The following GRID2IP variants were observed in gnomAD, a reference collection of about 807,000 sequenced individuals.
GRID2IP encodes the protein delphilin.
GRID2IP carries 78 observed loss-of-function variants against 114.3 expected under a neutral mutation model. The ratio of observed to expected loss-of-function variants is 0.68; its 90% CI spans 0.57 to 0.82. The LOEUF (loss-of-function observed/expected upper bound fraction) is 0.82. GRID2IP is among the 40% of genes least tolerant of loss of function. GRID2IP has a pLI of 0.00. For synonymous variants in GRID2IP, 809 were observed against 724.0 expected (o/e 1.12, Z -1.89); for missense variants, 1,727 against 1,678.5 (o/e 1.03, Z -0.51).
In GRID2IP at chr7:6,526,247, ACAGGCCCGT is replaced by A; in HGVS notation, c.887_895del (p.His296_Val299delinsLeu). On this transcript the variant is annotated inframe_deletion, in exon 4 of 22. Transcript: ENST00000457091. The surrounding 1 kb of genome is among the most constrained non-coding windows in gnomAD (Gnocchi z 7.6). ...ACCAGGCAGGACAGACTCGATCCAG[ACAGGCCCGT>A]GGCCGCGAAGTGTGAAGCCGAAGCT... 1 of 1,551,912 alleles carries A rather than the reference ACAGGCCCGT, an allele frequency of 6.4e-7. No homozygotes were observed. Among genetic ancestry groups the A allele is most frequent in the Non-Finnish European group, 8.7e-7 (1 of 1,147,010 alleles).
In GRID2IP at chr7:6,503,063, A is replaced by G; in HGVS notation, c.3008T>C (p.Leu1003Ser). The change falls in exon 17 of 22, where the codon TTG (leucine) becomes TCG (serine). Residue 1003 changes from leucine to serine, a missense_variant. By Grantham distance (145) the Leu-to-Ser change is moderately radical. Transcript: ENST00000457091. ...TEEIRGSLEC[L>S]RQASLELKNS... is the part of the protein sequence containing the mutation. ...TTTGAGCTCCAGGGAGGCCTGGCGCAAGCATTCAAGGCTGCCTCGGATCTC... is the reference window on the plus strand; with the variant it reads ...TTTGAGCTCCAGGGAGGCCTGGCGCGAGCATTCAAGGCTGCCTCGGATCTC... The G allele has an allele frequency of 6.4e-7, 1 of 1,551,524 alleles. No homozygotes were observed. The highest frequency in any genetic ancestry group is 8.7e-7 in the Non-Finnish European group (1 of 1,146,958).
At chr7:6,498,279 C>T in intron 20 of GRID2IP, 51 bp from the exon 21 acceptor site, 1 of 1,487,160 alleles carries the variant, frequency 6.7e-7, no homozygotes, top group African/African-American at 1.4e-5. Context: ...CCCCCAGGGT[C>T]TCAGGTGGTG....
At chr7:6,537,775 G>A (rs1361206310) in intron 2 of GRID2IP, among the ~76,000 whole-genome samples, 1 of 151,922 alleles carries the variant, frequency 6.6e-6, no homozygotes, top group Non-Finnish European at 1.5e-5. Context: ...ACTTGAACCC[G>A]GGAGGCAGAT....
Position 6,521,386 on chromosome 7 carries a change from G to C in GRID2IP, c.1084+43C>G. 1.4e-6 allele frequency: 2 copies of C among 1,388,454 alleles called. No individual in the cohort carries two copies. The highest frequency in any genetic ancestry group is 2.0e-6 in the Non-Finnish European group (2 of 1,017,794). The allele number at this position is 1,388,454 out of a possible 1,614,324, so 86.0% of individuals were successfully genotyped here. A position where few individuals can be genotyped will look rare whatever the true frequency, so the allele number is the denominator to read the frequency against. ...TCTCACATATAGCAGCCTGGGCAGG[G>C]TCTCTGGGGGCCAAGGAAGCCAAGT... On this transcript the variant is annotated intron_variant, in intron 6 of 21. Transcript: ENST00000457091. This position sits in a 1 kb window ranked among gnomAD's most constrained non-coding sequence, Gnocchi z 4.1.
chr7:6,501,988 C>T lies in GRID2IP; in HGVS notation c.3280+1G>A. ...CCTCCCCATCCACCCACCCAGCATA[C>T]CTTTGGCAGCCAGGGGCACGGTGGG... is the stretch of plus-strand genomic sequence containing the variant. On this transcript the variant is annotated splice_donor_variant, in intron 19 of 21. Coordinates refer to ENST00000457091, the MANE Select transcript of GRID2IP (RefSeq NM_001145118.2). LOFTEE classifies it high-confidence loss of function. The T allele has an allele frequency of 6.4e-7, 1 of 1,551,314 alleles. No individual in the cohort carries two copies. The highest frequency in any genetic ancestry group is 1.2e-5 in the South Asian group (1 of 84,052).
chr7:6,539,133 CT>C (rs35413221), intron 2 of GRID2IP, among the ~76,000 whole-genome samples: 119 of 144,288 alleles, frequency 8.2e-4, no homozygotes, highest in Non-Finnish European at 9.6e-4. Context: ...AGACTGTGAC[CT>C]TTTTTTTTTT....
intron 2 of GRID2IP, 30 bp downstream of exon 2, chr7:6,539,688 C>A: frequency 6.6e-7 from 1 of 1,519,988 alleles, no homozygotes; most frequent in Non-Finnish European, 8.9e-7. Flanking sequence ...ACCCACCCTG[C>A]CTGTCTATCC....
chr7:6,527,570 A>G (rs1372449277), intron 2 of GRID2IP, among the ~76,000 whole-genome samples: 1 of 152,152 alleles, frequency 6.6e-6, no homozygotes, highest in Non-Finnish European at 1.5e-5. Context: ...GCAGGGCTAG[A>G]AACTCTCTCT....
chr7:6,514,404 G>T lies in GRID2IP; in HGVS notation c.1394C>A (p.Ala465Glu). ...EEQELCQEKI[A>E]CFLGYTAMTA... is the part of the protein sequence containing the mutation. Reference sequence around the variant, plus strand: ...CATGGCCGTGTAGCCCAGGAAGCATGCGATTTTCTCCTGACAGAGCTCCTG... The same window carrying T: ...CATGGCCGTGTAGCCCAGGAAGCATTCGATTTTCTCCTGACAGAGCTCCTG... Residue 465 changes from alanine to glutamate, a missense_variant, in exon 8 of 22, where the codon GCA becomes GAA. Ala to Glu is a moderately radical substitution (Grantham distance 107, BLOSUM62 -1). Transcript: ENST00000457091. The T allele has an allele frequency of 6.5e-7, 1 of 1,542,070 alleles. No homozygotes were observed. The highest frequency in any genetic ancestry group is 1.2e-5 in the South Asian group (1 of 83,422).
At position 6,508,294 on chromosome 7, in the gene GRID2IP, G is replaced by C; in HGVS notation, c.2235C>G (p.Ile745Met). 2 of 1,549,426 alleles carry C rather than the reference G, an allele frequency of 1.3e-6. No individual in the cohort carries two copies. The highest frequency in any genetic ancestry group is 8.7e-7 in the Non-Finnish European group (1 of 1,146,642). Residue 745 changes from isoleucine (I) to methionine (M), a missense_variant, in exon 13 of 22, where the codon ATC becomes ATG. Ile to Met is a conservative substitution (Grantham distance 10). Coordinates refer to ENST00000457091, the MANE Select transcript of GRID2IP (RefSeq NM_001145118.2). This position sits in a 1 kb window ranked among gnomAD's most constrained non-coding sequence, Gnocchi z 5.6. ...GCGGGGGTGGGGGGATGTGGTCAGAGATGGAGGAGTAGGTCAGGGAGCTGC... is the reference window on the plus strand; with the variant it reads ...GCGGGGGTGGGGGGATGTGGTCAGACATGGAGGAGTAGGTCAGGGAGCTGC... ...EEGSSLTYSSISDHIPPPPLS... is the reference protein window; with the variant it reads ...EEGSSLTYSSMSDHIPPPPLS...
chr7:6,535,162 G>A (rs1468298369), intron 2 of GRID2IP, among the ~76,000 whole-genome samples: 1 of 152,136 alleles, frequency 6.6e-6, no homozygotes, highest in Non-Finnish European at 1.5e-5. Flanking sequence ...TGGGATTACA[G>A]GTGTGAGCCA....
At position 6,532,303 on chromosome 7, in the gene GRID2IP, C is replaced by G. The variant is rs1779644298; in HGVS notation, c.585-5534G>C. Among the ~76,000 whole-genome samples the G allele has an allele frequency of 6.6e-6, 1 of 152,120 alleles. No homozygotes were observed. On this transcript the variant is annotated intron_variant, in intron 2 of 21. Coordinates refer to ENST00000457091, the MANE Select transcript of GRID2IP (RefSeq NM_001145118.2). This position sits in a 1 kb window ranked among gnomAD's most constrained non-coding sequence, Gnocchi z 4.4. ...CCCCAACCAGAACATCAGCATGAAG[C>G]CCTCTCCAAAGACAGGCGGGAACAG...
intron 2 of GRID2IP, among the ~76,000 whole-genome samples, chr7:6,529,209 A>C (rs375087278): frequency 9.2e-5 from 14 of 152,168 alleles, no homozygotes; most frequent in African/African-American, 3.4e-4. Flanking sequence ...CTAGCACTTT[A>C]GGAGGCCGAG....
intron 20 of GRID2IP, among the ~76,000 whole-genome samples, chr7:6,499,417 G>A (rs1786350827): frequency 6.6e-6 from 1 of 152,140 alleles, no homozygotes; most frequent in Non-Finnish European, 1.5e-5. Context: ...CCTTTGCAGA[G>A]GCTGCCTTTA....
chr7:6,550,701 C>T (rs1406357597), intron 1 of GRID2IP, among the ~76,000 whole-genome samples: 5 of 148,888 alleles, frequency 3.4e-5, no homozygotes, highest in East Asian at 2.0e-4. Flanking sequence ...TGGTGGCAAA[C>T]GCCTGTAATC....
Position 6,539,824 on chromosome 7 carries a change from C to T in GRID2IP, c.478G>A (p.Ala160Thr), listed in dbSNP as rs769649909. The stretch of plus-strand genomic sequence containing the variant: ...TCAGCTGCAAACTGCTTCAGTGCAG[C>T]GAACACCTGCTCCTTGGCAGTTGGC... ...DQPTAKEQVF[A>T]ALKQFAAEQR... is the part of the protein sequence containing the mutation. Residue 160 changes from alanine (A) to threonine (T), a missense_variant, in exon 2 of 22, where the codon GCT becomes ACT. By Grantham distance (58) the Ala-to-Thr change is moderately conservative. Transcript: ENST00000457091. 70 of 1,551,108 alleles carry T rather than the reference C, an allele frequency of 4.5e-5. No homozygotes were observed. Among genetic ancestry groups the T allele is most frequent in the Admixed American group, 2.0e-4 (10 of 50,968 alleles).
intron 1 of GRID2IP, among the ~76,000 whole-genome samples, chr7:6,542,169 G>A (rs1378516851): frequency 6.6e-6 from 1 of 151,960 alleles, no homozygotes; most frequent in Non-Finnish European, 1.5e-5. Flanking sequence ...AGACGTGGTG[G>A]TGGGTGCCTT....
intron 4 of GRID2IP, among the ~76,000 whole-genome samples, chr7:6,525,129 G>T (rs929247938): frequency 6.6e-6 from 1 of 151,710 alleles, no homozygotes. Context: ...ACATGACGAA[G>T]CCCCATCTCT....
intron 7 of GRID2IP, 142 bp from the exon 8 acceptor site, chr7:6,514,671 G>T: frequency 1.5e-6 from 1 of 688,000 alleles, no homozygotes. Flanking sequence ...AGAAGTGGGG[G>T]CCGGGCACAG....
Sources: allele counts gnomAD v4.1 joint callset (sites outside exome capture counted in the v4.1 genomes callset), GRCh38; gene constraint gnomAD v4.1.1; non-coding constraint Gnocchi (gnomAD v3.1); transcripts MANE v1.5; gene names NCBI Gene and HGNC (gene_info 2026-07-23, HGNC 2026-07-21).